PRKN: variants seen among roughly 807,000 people sequenced by gnomAD.
PRKN encodes E3 ubiquitin-protein ligase parkin.
PRKN carries 56 observed loss-of-function variants against 59.5 expected under a neutral mutation model. That is an observed-to-expected ratio of 0.94 (90% CI 0.76 to 1.18). PRKN has a LOEUF of 1.18. PRKN is among the 50% of genes most tolerant of loss of function. The pLI, the probability that PRKN is intolerant of heterozygous loss-of-function variation, is 0.00. For synonymous variants in PRKN, 250 were observed against 222.1 expected, an observed-to-expected ratio of 1.13 and a Z score of -1.12; for missense variants, 657 against 596.4, an observed-to-expected ratio of 1.10 and a Z score of -1.06.
At chr6:162,503,431 CG>C (rs1793467672) in intron 1 of PRKN, among the ~76,000 whole-genome samples, 1 of 151,904 alleles carries the variant, frequency 6.6e-6, no homozygotes, top group South Asian at 2.1e-4. Flanking sequence ...CCCAGAGTGC[CG>C]GGATTACAGG....
At chr6:161,721,741 G>A (rs1787232060) in intron 7 of PRKN, among the ~76,000 whole-genome samples, 1 of 152,050 alleles carries the variant, frequency 6.6e-6, no homozygotes, top group African/African-American at 2.4e-5. Flanking sequence ...TCAGAGGGCT[G>A]CTGCCTCCCT....
intron 7 of PRKN, among the ~76,000 whole-genome samples, chr6:161,762,057 T>C (rs978658019): frequency 2.0e-5 from 3 of 152,088 alleles, no homozygotes; most frequent in Non-Finnish European, 4.4e-5. Context: ...CGGGACAGAA[T>C]TCCTACGGGT....
chr6:162,363,864 T>G (rs1369894371), intron 2 of PRKN, among the ~76,000 whole-genome samples: 1 of 152,170 alleles, frequency 6.6e-6, no homozygotes, highest in Non-Finnish European at 1.5e-5. Flanking sequence ...CTTATGCAAC[T>G]GGTAACCTAA....
At chr6:162,079,970 A>G (rs1778992334) in intron 4 of PRKN, among the ~76,000 whole-genome samples, 1 of 152,100 alleles carries the variant, frequency 6.6e-6, no homozygotes, top group Non-Finnish European at 1.5e-5. Context: ...ACAAGCACAT[A>G]TATCTTAAGG....
intron 1 of PRKN, among the ~76,000 whole-genome samples, chr6:162,468,056 C>G (rs558587535): frequency 6.6e-6 from 1 of 152,150 alleles, no homozygotes; most frequent in Non-Finnish European, 1.5e-5. Flanking sequence ...TTACTGCTAC[C>G]GTGGTTCTTA....
intron 10 of PRKN, among the ~76,000 whole-genome samples, chr6:161,364,967 G>A (rs1382187130): frequency 2.0e-5 from 3 of 151,832 alleles, no homozygotes; most frequent in South Asian, 2.1e-4. Flanking sequence ...ACTAGATGCC[G>A]GACAAGAATA....
chr6:162,645,203 A>G (rs1179014332), intron 1 of PRKN, among the ~76,000 whole-genome samples: 2 of 152,182 alleles, frequency 1.3e-5, no homozygotes, highest in Non-Finnish European at 2.9e-5. Flanking sequence ...AAGGTCTGTG[A>G]CCTTTGCTAT....
chr6:161,666,643 G>A (rs1345694034), intron 7 of PRKN, among the ~76,000 whole-genome samples: 1 of 152,166 alleles, frequency 6.6e-6, no homozygotes, highest in Non-Finnish European at 1.5e-5. Flanking sequence ...ACTACAAAAT[G>A]TCTGACTTTC....
intron 3 of PRKN, among the ~76,000 whole-genome samples, chr6:162,253,898 G>T (rs887941289): frequency 6.6e-6 from 1 of 152,066 alleles, no homozygotes; most frequent in African/African-American, 2.4e-5. Flanking sequence ...TCAGGCCAGA[G>T]TATCACTCAC....
At chr6:161,719,386 G>C (rs1276467933) in intron 7 of PRKN, among the ~76,000 whole-genome samples, 1 of 152,170 alleles carries the variant, frequency 6.6e-6, no homozygotes, top group Non-Finnish European at 1.5e-5. Flanking sequence ...TGTTTTCTGT[G>C]AAGGACCAGC....
At chr6:162,444,555 TCTC>T (rs975891294) in intron 1 of PRKN, among the ~76,000 whole-genome samples, 90 of 152,004 alleles carry the variant, frequency 5.9e-4, no homozygotes, top group South Asian at 8.3e-4. Flanking sequence ...CCTCCCTCCT[TCTC>T]CTCTTCCTAT....
chr6:162,592,271 G>A (rs1781341327), intron 1 of PRKN, among the ~76,000 whole-genome samples: 1 of 152,160 alleles, frequency 6.6e-6, no homozygotes, highest in African/African-American at 2.4e-5. Context: ...GATTACAGGT[G>A]TGAGCCACTG....
At chr6:162,265,453 G>T (rs1780086719) in intron 2 of PRKN, among the ~76,000 whole-genome samples, 1 of 152,148 alleles carries the variant, frequency 6.6e-6, no homozygotes, top group African/African-American at 2.4e-5. Context: ...CACTTTGGGA[G>T]ACTGGGGTGG....
intron 7 of PRKN, among the ~76,000 whole-genome samples, chr6:161,778,709 A>G (rs75819779): frequency 0.044 from 6,732 of 152,162 alleles, 481 homozygotes; most frequent in African/African-American, 0.15. Context: ...GTCAGCCAAG[A>G]ACCTCCAGAG....
chr6:162,603,730 G>A (rs1297230411), intron 1 of PRKN, among the ~76,000 whole-genome samples: 1 of 152,134 alleles, frequency 6.6e-6, no homozygotes, highest in African/African-American at 2.4e-5. Context: ...TTACTGAGAT[G>A]TATAAAATTC....
chr6:162,599,895 A>C (rs1583881757), intron 1 of PRKN, among the ~76,000 whole-genome samples: 1 of 152,336 alleles, frequency 6.6e-6, no homozygotes, highest in Non-Finnish European at 1.5e-5. Context: ...TAAGAGTCCT[A>C]AAATTATTAA....
chr6:162,081,510 G>GT (rs895064351), intron 4 of PRKN, among the ~76,000 whole-genome samples: 2 of 152,062 alleles, frequency 1.3e-5, no homozygotes, highest in African/African-American at 4.8e-5. Context: ...TGAAAGGAAT[G>GT]TTTTTTCCCG....
chr6:161,900,930 T>TATATATATA (rs1777894211), intron 6 of PRKN, among the ~76,000 whole-genome samples: 1 of 132,220 alleles, frequency 7.6e-6, no homozygotes, highest in Admixed American at 7.6e-5. Context: ...ATATATATAT[T>TATATATATA]TTTTAGATGG....
rs1279469103 is a variant in PRKN at position 161,498,021 on chromosome 6, A to T, written c.1083+50833T>A. Among the ~76,000 whole-genome samples, 1 of 152,186 alleles carries T rather than the reference A, an allele frequency of 6.6e-6. No homozygotes were observed. The highest frequency in any genetic ancestry group is 1.9e-4 in the East Asian group (1 of 5,192). ...TTCCATGAGGGGATATTTGTTCTTC[A>T]ATAGATGGGTCTAATTTTCCACAGT... On this transcript the variant is annotated intron_variant, in intron 9 of 11. Coordinates refer to ENST00000366898, the MANE Select transcript of PRKN (RefSeq NM_004562.3). This position sits in a 1 kb window ranked among gnomAD's most constrained non-coding sequence, Gnocchi z 4.2.
Sources: allele counts gnomAD v4.1 joint callset (sites outside exome capture counted in the v4.1 genomes callset), GRCh38; gene constraint gnomAD v4.1.1; non-coding constraint Gnocchi (gnomAD v3.1); transcripts MANE v1.5; gene names NCBI Gene and HGNC (gene_info 2026-07-23, HGNC 2026-07-21).